UNC13C: variants seen among roughly 807,000 people sequenced by gnomAD.
The protein encoded by UNC13C is protein unc-13 homolog C.
A neutral mutation model predicts 245.4 loss-of-function variants in UNC13C; 174 were observed. That is an observed-to-expected ratio of 0.71 (90% CI 0.63 to 0.80). UNC13C has a LOEUF of 0.80. Among genes scored for constraint, UNC13C ranks in the 30% least tolerant of loss-of-function variants. UNC13C has a pLI of 0.00. For synonymous variants in UNC13C, 992 were observed against 895.1 expected, an observed-to-expected ratio of 1.11 and a Z score of -1.93; for missense variants, 2,829 against 2,602.9, an observed-to-expected ratio of 1.09 and a Z score of -1.89.
intron 10 of UNC13C, among the ~76,000 whole-genome samples, chr15:54,284,108 C>T (rs1431450528): frequency 2.0e-5 from 3 of 152,166 alleles, no homozygotes; most frequent in Non-Finnish European, 2.9e-5. Context: ...TGATGTTTAG[C>T]TCTTTGTTCT....
chr15:54,197,478 AAAATT>A (rs1442732321), intron 4 of UNC13C, among the ~76,000 whole-genome samples: 8 of 152,142 alleles, frequency 5.3e-5, no homozygotes, highest in Non-Finnish European at 1.2e-4. Context: ...AAAAAAAAGA[AAAATT>A]AATAAGCACA....
At chr15:54,331,409 C>A (rs1164722758) in intron 14 of UNC13C, among the ~76,000 whole-genome samples, 4 of 152,060 alleles carry the variant, frequency 2.6e-5, no homozygotes, top group Non-Finnish European at 5.9e-5. Flanking sequence ...CAGTTCAACA[C>A]TGATACTGCA....
At position 54,254,461 on chromosome 15, in the gene UNC13C, T is replaced by A. The variant is rs77164724; in HGVS notation, c.3448+4017T>A. On this transcript the variant is annotated intron_variant, in intron 8 of 32. Coordinates refer to ENST00000260323, the MANE Select transcript of UNC13C (RefSeq NM_001080534.3). ...TGGAAGTAGGATTCCTTTTATCCAC[T>A]GCTACTTAACACACATTTAAGCAAA... Among the ~76,000 whole-genome samples, 544 of 152,364 alleles carry A rather than the reference T, an allele frequency of 3.6e-3. 3 individuals are homozygous for A. The highest frequency in any genetic ancestry group is 0.012 in the African/African-American group (519 of 41,592).
intron 12 of UNC13C, among the ~76,000 whole-genome samples, chr15:54,299,117 G>C (rs1345981064): frequency 6.6e-6 from 1 of 152,156 alleles, no homozygotes; most frequent in Non-Finnish European, 1.5e-5. Context: ...GAACTGGCAT[G>C]ATGGAGAATT....
chr15:54,227,561 G>T (rs1010693235), intron 4 of UNC13C, among the ~76,000 whole-genome samples: 6 of 152,180 alleles, frequency 3.9e-5, no homozygotes, highest in African/African-American at 9.7e-5. Context: ...GGGGCAGGGG[G>T]GTAGTGTGTC....
chr15:54,203,818 ATACG>A (rs2034614173), intron 4 of UNC13C, among the ~76,000 whole-genome samples: 1 of 145,320 alleles, frequency 6.9e-6, no homozygotes, highest in Admixed American at 7.0e-5. Context: ...CTGTGTATAT[ATACG>A]TGTATGTATA....
At chr15:54,490,128 A>G (rs1385481942) in intron 19 of UNC13C, among the ~76,000 whole-genome samples, 1 of 152,214 alleles carries the variant, frequency 6.6e-6, no homozygotes. Context: ...CTTTGTAAGG[A>G]GGAAACTATT....
intron 13 of UNC13C, among the ~76,000 whole-genome samples, chr15:54,308,349 A>G (rs2037779627): frequency 6.6e-6 from 1 of 151,790 alleles, no homozygotes; most frequent in African/African-American, 2.4e-5. Flanking sequence ...GCCAGTAACT[A>G]TCTCATTATT....
rs989622357 is a variant in UNC13C at position 54,265,337 on chromosome 15, T to C, written c.3677-18T>C. The C allele has an allele frequency of 6.9e-7, 1 of 1,455,084 alleles. No homozygotes were observed. Among genetic ancestry groups the C allele is most frequent in the Non-Finnish European group, 9.1e-7 (1 of 1,098,020 alleles). 90.1% of individuals were successfully genotyped at this position (1,455,084 alleles called of 1,614,324 possible). ...TGAGGACTCTGTATGTTAAAATGTT[T>C]ATTTTGGTTTATTTCAGTGGTTTCT... On this transcript the variant is annotated intron_variant, in intron 9 of 32. Transcript: ENST00000260323.
intron 2 of UNC13C, among the ~76,000 whole-genome samples, chr15:54,099,012 A>G (rs1900027378): frequency 1.3e-5 from 2 of 152,228 alleles, no homozygotes; most frequent in South Asian, 4.1e-4. Context: ...TATGTATTTT[A>G]TCTACCAAAT....
chr15:54,174,295 T>C (rs1191213862), intron 4 of UNC13C, among the ~76,000 whole-genome samples: 1 of 152,196 alleles, frequency 6.6e-6, no homozygotes, highest in Non-Finnish European at 1.5e-5. Flanking sequence ...ATTTTCTTGT[T>C]AAGTGATTGC....
At chr15:53,905,209 G>A in the UNC13C span, among the ~76,000 whole-genome samples, 12 of 152,064 alleles carry the variant, frequency 7.9e-5, no homozygotes, top group African/African-American at 2.9e-4. Context: ...TACAGGTATA[G>A]TCAAAGGAAA....
chr15:54,629,229 A>AAAC (rs1399559593), downstream of UNC13C: 2 of 152,142 alleles, frequency 1.3e-5, no homozygotes, highest in Non-Finnish European at 2.9e-5. Flanking sequence ...AGTGGAAGCT[A>AAAC]AACGATGAGG....
At chr15:54,475,322 T>G (rs1179502197) in intron 19 of UNC13C, among the ~76,000 whole-genome samples, 2 of 132,256 alleles carry the variant, frequency 1.5e-5, no homozygotes, top group East Asian at 4.6e-4. Context: ...TTATTATTAT[T>G]ATACTTTAAG....
At chr15:54,616,219 C>CAGTA (rs891199837) in intron 30 of UNC13C, among the ~76,000 whole-genome samples, 1 of 151,904 alleles carries the variant, frequency 6.6e-6, no homozygotes, top group Admixed American at 6.6e-5. Context: ...AATCAATCAG[C>CAGTA]AGTAAGTTTA....
chr15:53,916,202 C>T, the UNC13C span, among the ~76,000 whole-genome samples: 2 of 152,138 alleles, frequency 1.3e-5, no homozygotes, highest in Non-Finnish European at 1.5e-5. Flanking sequence ...AACGTATTAG[C>T]TATACCTAAA....
At chr15:54,465,441 C>T (rs1363143783) in intron 19 of UNC13C, among the ~76,000 whole-genome samples, 5 of 151,914 alleles carry the variant, frequency 3.3e-5, no homozygotes, top group Admixed American at 6.6e-5. Flanking sequence ...GAGTTATAGA[C>T]TGCTTATGGG....
chr15:54,085,150 G>A (rs192723823), intron 2 of UNC13C, among the ~76,000 whole-genome samples: 1 of 152,168 alleles, frequency 6.6e-6, no homozygotes, highest in African/African-American at 2.4e-5. Flanking sequence ...AGAAAATCTA[G>A]GTAAATAATT....
At chr15:54,159,479 G>T (rs1390048159) in intron 4 of UNC13C, among the ~76,000 whole-genome samples, 1 of 152,190 alleles carries the variant, frequency 6.6e-6, no homozygotes, top group Admixed American at 6.5e-5. Context: ...GATGCCTAAG[G>T]CACTGTTTCC....
Sources: gnomAD v4.1 joint callset for allele counts (sites outside exome capture counted in the v4.1 genomes callset) on GRCh38, gnomAD v4.1.1 for gene constraint, MANE v1.5 for transcripts, NCBI Gene and HGNC (gene_info 2026-07-23, HGNC 2026-07-21) for gene names.